LRRC63: variants seen among roughly 807,000 people sequenced by gnomAD.
LRRC63 encodes leucine-rich repeat-containing protein 63.
In LRRC63, 40 loss-of-function variants were observed where a neutral mutation model predicts 49.5. The ratio of observed to expected loss-of-function variants is 0.81; its 90% CI spans 0.63 to 1.05. The LOEUF (loss-of-function observed/expected upper bound fraction) is 1.05. Ranked by LOEUF, LRRC63 falls within the 50% of genes least tolerant of loss-of-function variation. The pLI is 0.00. For missense variants in LRRC63, 636 were observed against 663.1 expected (o/e 0.96, Z 0.45); for synonymous variants, 191 against 221.1 (o/e 0.86, Z 1.21).
chr13:46,220,934 G>C (rs1566469390), intron 2 of LRRC63, among the ~76,000 whole-genome samples: 1 of 152,044 alleles, frequency 6.6e-6, no homozygotes, highest in African/African-American at 2.4e-5. Flanking sequence ...CTCCATATTG[G>C]GAAGATTTCT....
intron 5 of LRRC63, among the ~76,000 whole-genome samples, chr13:46,243,142 G>A (rs1254497672): frequency 6.6e-6 from 1 of 152,230 alleles, no homozygotes; most frequent in East Asian, 1.9e-4. Context: ...ATGGAAGGAT[G>A]TAAGTTGAAA....
chr13:46,252,104 C>T (rs2047399315), intron 7 of LRRC63, among the ~76,000 whole-genome samples: 1 of 151,866 alleles, frequency 6.6e-6, no homozygotes, highest in African/African-American at 2.4e-5. Flanking sequence ...GAAAACTTAA[C>T]TTTATTGACC....
intron 4 of LRRC63, 55 bp downstream of exon 4, chr13:46,228,788 TA>T (rs1662415512): frequency 1.7e-6 from 2 of 1,194,750 alleles, no homozygotes; most frequent in Admixed American, 2.3e-5. Context: ...ATTATATCTT[TA>T]AAAAATTATG....
chr13:46,233,982 T>A (rs75252843), intron 4 of LRRC63, among the ~76,000 whole-genome samples: 10 of 152,088 alleles, frequency 6.6e-5, no homozygotes, highest in Admixed American at 6.5e-4. Context: ...AATGGTGCAT[T>A]TAAAATTACA....
In LRRC63 at chr13:46,250,527, A is replaced by C. The variant is rs368407601; in HGVS notation, c.1226+36A>C. On this transcript the variant is annotated intron_variant, in intron 7 of 9. Coordinates refer to ENST00000595396, the Ensembl canonical transcript of LRRC63. Reference sequence around the variant, plus strand: ...TGGTCTGAGATTATAAACACAGAAAATAATTCATAATTTCGAAAAAGATCA... The same window carrying C: ...TGGTCTGAGATTATAAACACAGAAACTAATTCATAATTTCGAAAAAGATCA... The C allele has an allele frequency of 1.3e-4, 183 of 1,433,230 alleles. 4 individuals are homozygous for C. In the East Asian group the frequency reaches 2.2e-3, roughly 17 times the overall value. The allele number at this position is 1,433,230 out of a possible 1,614,324, so 88.8% of individuals were successfully genotyped here.
exon 10 of LRRC63, chr13:46,276,854 A>ATATATATATATATATATATATATATT (rs1555330631): frequency 5.9e-5 from 7 of 118,866 alleles, no homozygotes; most frequent in Admixed American, 2.0e-4. Context: ...ATATATATTT[A>ATATATATATATATATATATATATATT]TATATATATA....
At chr13:46,258,714 A>G in intron 7 of LRRC63, among the ~76,000 whole-genome samples, 1 of 149,630 alleles carries the variant, frequency 6.7e-6, no homozygotes, top group African/African-American at 2.5e-5. Flanking sequence ...AGGCTGAGGC[A>G]GGAGAATCGC....
At chr13:46,216,422 T>C (rs1028393876) in intron 2 of LRRC63, among the ~76,000 whole-genome samples, 25 of 152,258 alleles carry the variant, frequency 1.6e-4, no homozygotes, top group African/African-American at 5.5e-4. Context: ...TCTGTTTGTC[T>C]GTTATTGGTG....
chr13:46,270,598 T>G (rs2047744057), intron 9 of LRRC63: 2 of 830,260 alleles, frequency 2.4e-6, no homozygotes, highest in Non-Finnish European at 4.2e-6. Context: ...TGAAATGCAT[T>G]AATGCCACAA....
At chr13:46,221,971 AAC>A (rs1190748456) in intron 2 of LRRC63, among the ~76,000 whole-genome samples, 1 of 152,168 alleles carries the variant, frequency 6.6e-6, no homozygotes, top group African/African-American at 2.4e-5. Context: ...AGCTGATGAG[AAC>A]ACACACCTTC....
intron 5 of LRRC63, among the ~76,000 whole-genome samples, chr13:46,243,233 AGTT>A (rs2047115568): frequency 6.6e-6 from 1 of 152,198 alleles, no homozygotes; most frequent in Non-Finnish European, 1.5e-5. Flanking sequence ...AGCAAAGTCA[AGTT>A]GTCATCAGTT....
intron 7 of LRRC63, among the ~76,000 whole-genome samples, chr13:46,254,939 T>C (rs1289592612): frequency 1.3e-5 from 2 of 152,190 alleles, no homozygotes; most frequent in Non-Finnish European, 2.9e-5. Flanking sequence ...AAGTCTGCAA[T>C]TCAAATGTCC....
At chr13:46,245,589 A>C (rs1351334957) in intron 5 of LRRC63, among the ~76,000 whole-genome samples, 1 of 152,150 alleles carries the variant, frequency 6.6e-6, no homozygotes, top group East Asian at 1.9e-4. Flanking sequence ...TTTAAATATT[A>C]AAAAGCACTA....
rs949509072 is a variant in LRRC63 at position 46,256,814 on chromosome 13, T to C, written c.1227-5095T>C. On this transcript the variant is annotated intron_variant, in intron 7 of 9. Transcript: ENST00000595396. ...CTGTAAAGGTTAACCTTTCGGGAAA[T>C]TGAGATAAGTGAATGTATTTTGCAT... 2.6e-5 allele frequency among the ~76,000 whole-genome samples: 4 copies of C among 152,088 alleles called. No homozygotes were observed. The South Asian group carries it at 6.2e-4, about 24-fold the overall frequency.
chr13:46,233,067 T>C (rs1311179709), intron 4 of LRRC63, among the ~76,000 whole-genome samples: 2 of 152,238 alleles, frequency 1.3e-5, no homozygotes, highest in Non-Finnish European at 2.9e-5. Context: ...TTGTCTATGA[T>C]GTAAATTAAC....
intron 2 of LRRC63, among the ~76,000 whole-genome samples, chr13:46,221,935 G>A (rs1397251486): frequency 6.6e-6 from 1 of 152,174 alleles, no homozygotes. Context: ...TACTGGGAGT[G>A]GAAGGTTGTC....
At chr13:46,257,834 C>T (rs906311826) in intron 7 of LRRC63, among the ~76,000 whole-genome samples, 7 of 152,062 alleles carry the variant, frequency 4.6e-5, no homozygotes, top group African/African-American at 1.7e-4. Context: ...GGTGGCTAAG[C>T]ATTGTATTTA....
At chr13:46,228,995 G>A (rs1259960938) in intron 4 of LRRC63, among the ~76,000 whole-genome samples, 1 of 152,038 alleles carries the variant, frequency 6.6e-6, no homozygotes, top group African/African-American at 2.4e-5. Context: ...ACAGAAATAT[G>A]AATTAACTAT....
At chr13:46,261,942 T>C in exon 8 of LRRC63, 1 of 1,166,194 alleles carries the variant, frequency 8.6e-7, no homozygotes, top group Non-Finnish European at 1.1e-6. Flanking sequence ...AAGAACTTGA[T>C]GTTTCCTATA....
Sources: gnomAD v4.1 joint callset for allele counts (sites outside exome capture counted in the v4.1 genomes callset) on GRCh38, gnomAD v4.1.1 for gene constraint, MANE v1.5 for transcripts, NCBI Gene and HGNC (gene_info 2026-07-23, HGNC 2026-07-21) for gene names.